ABHD12: variants seen among roughly 807,000 people sequenced by gnomAD.
The protein encoded by ABHD12 is abhydrolase domain containing 12, lysophospholipase.
In ABHD12, 43 loss-of-function variants were observed where a neutral mutation model predicts 58.3. That is an observed-to-expected ratio of 0.74 (90% CI 0.58 to 0.95). The LOEUF (loss-of-function observed/expected upper bound fraction) is 0.95. Among genes scored for constraint, ABHD12 ranks in the 40% least tolerant of loss-of-function variants. The probability of loss-of-function intolerance (pLI) is 0.00; values close to 1 mark genes in which losing one functional copy is unlikely to be tolerated. For missense variants in ABHD12, 539 were observed against 537.2 expected (o/e 1.00, Z -0.03); for synonymous variants, 219 against 211.2 (o/e 1.04, Z -0.32).
intron 1 of ABHD12, among the ~76,000 whole-genome samples, chr20:25,354,095 C>A (rs192625200): frequency 1.3e-5 from 2 of 152,226 alleles, no homozygotes; most frequent in Non-Finnish European, 2.9e-5. Flanking sequence ...TCTTTAAGGA[C>A]GGGGAGGTTC....
intron 12 of ABHD12, among the ~76,000 whole-genome samples, chr20:25,301,333 G>T (rs1340081898): frequency 6.6e-6 from 1 of 152,194 alleles, no homozygotes; most frequent in Non-Finnish European, 1.5e-5. Flanking sequence ...ATTACTCACG[G>T]GATATACAGC....
At chr20:25,310,013 C>T (rs1212177099) in intron 6 of ABHD12, among the ~76,000 whole-genome samples, 1 of 152,232 alleles carries the variant, frequency 6.6e-6, no homozygotes, top group Non-Finnish European at 1.5e-5. Flanking sequence ...TTCTCCCTCT[C>T]TCTTTCTTAA....
chr20:25,389,503 T>C (rs1284945780), intron 1 of ABHD12, among the ~76,000 whole-genome samples: 2 of 152,180 alleles, frequency 1.3e-5, no homozygotes, highest in African/African-American at 4.8e-5. Flanking sequence ...CATCATATAG[T>C]AACTTCTTCA....
At position 25,323,425 on chromosome 20, in the gene ABHD12, C is replaced by G. The variant is rs1292392540; in HGVS notation, c.322G>C (p.Val108Leu). ...TTTTTCAAATCAATGAAATAGGGAA[C>G]TCTTACTGTAGGAAATAAAGAGATG... The part of the protein sequence containing the change: ...AKLIFLNFVR[V>L]PYFIDLKKPQ... Residue 108 changes from valine (V) to leucine (L), a missense_variant, in exon 3 of 13, where the codon GTT (valine) becomes CTT (leucine). Physicochemically the swap from Val to Leu is conservative, Grantham distance 32 (BLOSUM62 1). Transcript: ENST00000339157. 1.3e-6 allele frequency: 2 copies of G among 1,598,022 alleles called. No homozygotes were observed. Among genetic ancestry groups the G allele is most frequent in the South Asian group, 2.2e-5 (2 of 90,730 alleles).
At chr20:25,310,745 A>C (rs1281589376) in intron 6 of ABHD12, among the ~76,000 whole-genome samples, 1 of 152,168 alleles carries the variant, frequency 6.6e-6, no homozygotes, top group Non-Finnish European at 1.5e-5. Flanking sequence ...ACAGGGACAG[A>C]CAGACAGGCA....
At chr20:25,357,025 T>C (rs1198423438) in intron 1 of ABHD12, among the ~76,000 whole-genome samples, 3 of 151,996 alleles carry the variant, frequency 2.0e-5, no homozygotes, top group African/African-American at 7.3e-5. Context: ...TCCTCAGAGG[T>C]TGGGGAAATA....
chr20:25,347,519 G>A (rs1464183211), intron 1 of ABHD12, among the ~76,000 whole-genome samples: 1 of 152,022 alleles, frequency 6.6e-6, no homozygotes, highest in Admixed American at 6.6e-5. Flanking sequence ...ATTTCAGTCA[G>A]TGTTATGGTC....
At chr20:25,338,522 C>T (rs1186921187) in intron 2 of ABHD12, among the ~76,000 whole-genome samples, 1 of 152,176 alleles carries the variant, frequency 6.6e-6, no homozygotes, top group Non-Finnish European at 1.5e-5. Context: ...GTGCCCAGAG[C>T]CTCTGCCTTT....
At position 25,376,961 on chromosome 20, in the gene ABHD12, G is replaced by A. The variant is rs182305722; in HGVS notation, c.191+13552C>T. Among the ~76,000 whole-genome samples the A allele has an allele frequency of 4.6e-5, 7 of 152,312 alleles. No homozygotes were observed. In the East Asian group the frequency reaches 1.4e-3, roughly 29 times the overall value. On this transcript the variant is annotated intron_variant, in intron 1 of 12. Coordinates refer to ENST00000339157, the MANE Select transcript of ABHD12 (RefSeq NM_001042472.3). The stretch of plus-strand genomic sequence containing the variant: ...AAAAAAATCAAACTGTTTGAGAGAG[G>A]AACAGAGTGAGAGAGAGAGGGCCCC...
intron 8 of ABHD12, 90 bp from the exon 9 acceptor site, chr20:25,308,135 C>A (rs2088779706): frequency 6.5e-6 from 6 of 927,288 alleles, no homozygotes; most frequent in South Asian, 5.2e-5. Context: ...CCAGAAAGCA[C>A]AAGGAGACCA....
At chr20:25,323,537 GCA>G (rs375999758) in intron 2 of ABHD12, 107 bp from the exon 3 acceptor site, 93 of 751,780 alleles carry the variant, frequency 1.2e-4, no homozygotes, top group East Asian at 1.3e-4. Flanking sequence ...ATCCACACGT[GCA>G]CACACACACA....
chr20:25,345,908 C>T (rs989885683), intron 1 of ABHD12, among the ~76,000 whole-genome samples: 42 of 152,124 alleles, frequency 2.8e-4, no homozygotes, highest in Non-Finnish European at 4.7e-4. Context: ...CATATTCTTA[C>T]TATATGATCC....
chr20:25,344,260 G>C (rs552896497), intron 1 of ABHD12, among the ~76,000 whole-genome samples: 3 of 152,240 alleles, frequency 2.0e-5, no homozygotes, highest in African/African-American at 7.2e-5. Context: ...GACCCGGGAA[G>C]GAAAAATAAA....
chr20:25,311,737 C>T (rs190174663), intron 6 of ABHD12, among the ~76,000 whole-genome samples: 27 of 152,274 alleles, frequency 1.8e-4, no homozygotes, highest in Admixed American at 1.6e-3. Context: ...CAGGGTCTCG[C>T]TCTGTCACTC....
downstream of ABHD12, among the ~76,000 whole-genome samples, chr20:25,298,931 GTC>G (rs1339412931): frequency 1.3e-5 from 2 of 152,184 alleles, no homozygotes; most frequent in African/African-American, 2.4e-5. Context: ...TGCCCTGGGA[GTC>G]TCTGCCTCCC....
At chr20:25,372,669 C>A (rs551575374) in intron 1 of ABHD12, among the ~76,000 whole-genome samples, 2 of 152,172 alleles carry the variant, frequency 1.3e-5, no homozygotes, top group African/African-American at 4.8e-5. Flanking sequence ...AGCATTTCAG[C>A]CAACAGTGGA....
chr20:25,298,630 A>C (rs1458997184), downstream of ABHD12, among the ~76,000 whole-genome samples: 1 of 152,200 alleles, frequency 6.6e-6, no homozygotes, highest in East Asian at 1.9e-4. Context: ...GGGGATAAGA[A>C]ACACACACAC....
chr20:25,390,491 C>G (rs753272234), intron 1 of ABHD12, 22 bp downstream of exon 1: 23 of 1,349,252 alleles, frequency 1.7e-5, no homozygotes, highest in Non-Finnish European at 2.1e-5. Context: ...CCCCCCCCCC[C>G]CCGCTCCGCG....
At chr20:25,337,449 C>T (rs529400997) in intron 2 of ABHD12, among the ~76,000 whole-genome samples, 1 of 152,362 alleles carries the variant, frequency 6.6e-6, no homozygotes, top group South Asian at 2.1e-4. Flanking sequence ...AAGTTCTCCT[C>T]CCTCAGAGCA....
Sources: gnomAD v4.1 joint callset for allele counts (sites outside exome capture counted in the v4.1 genomes callset) on GRCh38, gnomAD v4.1.1 for gene constraint, MANE v1.5 for transcripts, NCBI Gene and HGNC (gene_info 2026-07-23, HGNC 2026-07-21) for gene names.